The following PKIA variants were observed in gnomAD, a reference collection of about 807,000 sequenced individuals.
PKIA encodes cAMP-dependent protein kinase inhibitor alpha.
PKIA carries 4 observed loss-of-function variants against 7.6 expected under a neutral mutation model. The observed-to-expected ratio is 0.52, with a 90% CI of 0.26 to 1.20. The LOEUF (loss-of-function observed/expected upper bound fraction) is 1.20. Ranked by LOEUF, PKIA falls within the 50% of genes most tolerant of loss-of-function variation. PKIA has a pLI of 0.13. For synonymous variants in PKIA, 21 were observed against 30.7 expected (o/e 0.68, Z 1.04); for missense variants, 73 against 86.2 (o/e 0.85, Z 0.61).
At chr8:78,567,064 C>T (rs1223447315) in intron 1 of PKIA, among the ~76,000 whole-genome samples, 3 of 152,012 alleles carry the variant, frequency 2.0e-5, no homozygotes, top group Non-Finnish European at 4.4e-5. Flanking sequence ...AACAAGAAAA[C>T]ACTTGACTTT....
At chr8:78,596,680 C>T (rs1484898731) in intron 2 of PKIA, among the ~76,000 whole-genome samples, 40 of 152,272 alleles carry the variant, frequency 2.6e-4, no homozygotes. Flanking sequence ...AATTATGTCC[C>T]ATTTGTCAAT....
chr8:78,562,920 GA>G (rs529617661), intron 1 of PKIA, among the ~76,000 whole-genome samples: 16 of 147,726 alleles, frequency 1.1e-4, no homozygotes, highest in East Asian at 3.9e-4. Context: ...GTGAAGGAAT[GA>G]AAAAAAAATG....
chr8:78,526,973 A>G (rs1563566831), intron 1 of PKIA, among the ~76,000 whole-genome samples: 1 of 152,048 alleles, frequency 6.6e-6, no homozygotes, highest in Non-Finnish European at 1.5e-5. Context: ...TTAAAAAACA[A>G]GTACAAAAAC....
At chr8:78,536,427 G>T (rs2118384844) in intron 1 of PKIA, among the ~76,000 whole-genome samples, 1 of 152,192 alleles carries the variant, frequency 6.6e-6, no homozygotes, top group South Asian at 2.1e-4. Context: ...AGAGACTCTG[G>T]AAGTAGTGAG....
At chr8:78,591,292 A>G (rs1292555143) in intron 2 of PKIA, 5 of 152,672 alleles carry the variant, frequency 3.3e-5, no homozygotes, top group South Asian at 2.1e-4. Flanking sequence ...ACGTAAGTAC[A>G]TGCTTTTCAT....
chr8:78,532,905 C>T (rs184449104), intron 1 of PKIA, among the ~76,000 whole-genome samples: 12 of 152,042 alleles, frequency 7.9e-5, no homozygotes, highest in South Asian at 2.1e-4. Context: ...AGCAACAGAG[C>T]GACTCTGTCT....
intron 1 of PKIA, among the ~76,000 whole-genome samples, chr8:78,538,295 C>T (rs1806587742): frequency 6.6e-6 from 1 of 152,064 alleles, no homozygotes; most frequent in South Asian, 2.1e-4. Flanking sequence ...CAACAACCCA[C>T]CTTATTTCTC....
intron 1 of PKIA, among the ~76,000 whole-genome samples, chr8:78,555,600 A>G (rs535210009): frequency 6.6e-6 from 1 of 152,160 alleles, no homozygotes; most frequent in Non-Finnish European, 1.5e-5. Flanking sequence ...GGTCTATTGA[A>G]GAGAACATTA....
At position 78,586,024 on chromosome 8, in the gene PKIA, C is replaced by A. The variant is rs536684493; in HGVS notation, c.-27-12334C>A. ...CCTAGAATCCTCTACCTTCATGCTTCCCACTCAATAAATCACTAATATCTG... is the reference window on the plus strand; with the variant it reads ...CCTAGAATCCTCTACCTTCATGCTTACCACTCAATAAATCACTAATATCTG... On this transcript the variant is annotated intron_variant, in intron 2 of 3. Transcript: ENST00000396418. 2.0e-5 allele frequency among the ~76,000 whole-genome samples: 3 copies of A among 152,210 alleles called. No individual in the cohort carries two copies. In the South Asian group the frequency reaches 6.2e-4, roughly 32 times the overall value.
rs1808444131 is a variant in PKIA at position 78,605,223 on chromosome 8, C to T, written c.*3402C>T. ...CTTTTGTATTTAGCAATGTTGCATGCTCACATAATTGAAAATTAAAAGTAA... is the reference window on the plus strand; with the variant it reads ...CTTTTGTATTTAGCAATGTTGCATGTTCACATAATTGAAAATTAAAAGTAA... On this transcript the variant is annotated 3_prime_UTR_variant, in exon 4 of 4. Coordinates refer to ENST00000396418, the MANE Select transcript of PKIA (RefSeq NM_006823.4). The T allele has an allele frequency of 6.6e-6, 1 of 151,968 alleles. No individual in the cohort carries two copies. Among genetic ancestry groups the T allele is most frequent in the Non-Finnish European group, 1.5e-5 (1 of 67,954 alleles). 9.4% of individuals were successfully genotyped at this position (151,968 alleles called of 1,614,324 possible). A position where few individuals can be genotyped will look rare whatever the true frequency, so the allele number is the denominator to read the frequency against.
chr8:78,543,661 T>A (rs1281415109), intron 1 of PKIA, among the ~76,000 whole-genome samples: 1 of 152,180 alleles, frequency 6.6e-6, no homozygotes, highest in African/African-American at 2.4e-5. Context: ...GTGCCAGTGA[T>A]AATCAAAACG....
intron 1 of PKIA, among the ~76,000 whole-genome samples, chr8:78,570,655 C>A (rs1358425062): frequency 1.3e-5 from 2 of 151,770 alleles, no homozygotes; most frequent in Non-Finnish European, 2.9e-5. Flanking sequence ...ATCTTCCTTA[C>A]AATTAAATTC....
At chr8:78,579,829 G>C (rs1408529797) in intron 2 of PKIA, among the ~76,000 whole-genome samples, 6 of 152,006 alleles carry the variant, frequency 3.9e-5, no homozygotes, top group Non-Finnish European at 5.9e-5. Flanking sequence ...TTCTGAACAG[G>C]AAATCAAGAT....
intron 1 of PKIA, among the ~76,000 whole-genome samples, chr8:78,528,958 T>C (rs1806325636): frequency 6.6e-6 from 1 of 152,064 alleles, no homozygotes; most frequent in African/African-American, 2.4e-5. Context: ...TATAAATACA[T>C]CAACTAATGT....
intron 1 of PKIA, among the ~76,000 whole-genome samples, chr8:78,557,017 T>C (rs1299661708): frequency 6.6e-6 from 1 of 152,096 alleles, no homozygotes; most frequent in Non-Finnish European, 1.5e-5. Flanking sequence ...TGCTGAAGCT[T>C]CCTCTAATTT....
intron 1 of PKIA, among the ~76,000 whole-genome samples, chr8:78,554,098 G>A (rs1807063528): frequency 6.6e-6 from 1 of 152,014 alleles, no homozygotes; most frequent in Non-Finnish European, 1.5e-5. Context: ...GTTAGAAGGA[G>A]CAAGTCGTAG....
At chr8:78,538,059 T>C (rs888367669) in intron 1 of PKIA, among the ~76,000 whole-genome samples, 4 of 151,914 alleles carry the variant, frequency 2.6e-5, no homozygotes, top group East Asian at 1.9e-4. Flanking sequence ...ATAACCCTCA[T>C]ACCCTATGCT....
At chr8:78,516,733 CA>C (rs1201555746) in intron 1 of PKIA, among the ~76,000 whole-genome samples, 1 of 152,200 alleles carries the variant, frequency 6.6e-6, no homozygotes, top group Non-Finnish European at 1.5e-5. Flanking sequence ...TTCGCGTAGA[CA>C]GTGAAGAGGA....
At position 78,557,111 on chromosome 8, in the gene PKIA, C is replaced by T. The variant is rs139675423; in HGVS notation, c.-156-15700C>T. Among the ~76,000 whole-genome samples, 654 of 152,176 alleles carry T rather than the reference C, an allele frequency of 4.3e-3. 2 individuals are homozygous for T. The highest frequency in any genetic ancestry group is 0.015 in the African/African-American group (629 of 41,532). ...AAGCCCATCTCACCAACTTCACAGT[C>T]AGATAATTCTTGTTATGATCAGGAA... On this transcript the variant is annotated intron_variant, in intron 1 of 3. Transcript: ENST00000396418.
Sources: allele counts gnomAD v4.1 joint callset (sites outside exome capture counted in the v4.1 genomes callset), GRCh38; gene constraint gnomAD v4.1.1; transcripts MANE v1.5; gene names NCBI Gene and HGNC (gene_info 2026-07-23, HGNC 2026-07-21).